The following GXYLT1 variants were observed in gnomAD, a reference collection of about 807,000 sequenced individuals.
GXYLT1 encodes glucoside xylosyltransferase 1.
GXYLT1 carries 29 observed loss-of-function variants against 54.0 expected under a neutral mutation model. The ratio of observed to expected loss-of-function variants is 0.54; its 90% CI spans 0.40 to 0.73. GXYLT1 has a LOEUF of 0.73. Among genes scored for constraint, GXYLT1 ranks in the 30% least tolerant of loss-of-function variants. The pLI, the probability that GXYLT1 is intolerant of heterozygous loss-of-function variation, is 0.00. For synonymous variants in GXYLT1, 176 were observed against 204.1 expected, an observed-to-expected ratio of 0.86 and a Z score of 1.17; for missense variants, 490 against 553.4, an observed-to-expected ratio of 0.89 and a Z score of 1.15.
chr12:42,108,448 G>A (rs2065433355), intron 4 of GXYLT1, among the ~76,000 whole-genome samples: 1 of 152,164 alleles, frequency 6.6e-6, no homozygotes, highest in Non-Finnish European at 1.5e-5. Flanking sequence ...CTTCAGTATA[G>A]ATGACTGACA....
At chr12:42,118,129 C>T (rs1235695970) in intron 3 of GXYLT1, among the ~76,000 whole-genome samples, 6 of 152,184 alleles carry the variant, frequency 3.9e-5, no homozygotes, top group Non-Finnish European at 8.8e-5. Flanking sequence ...AACTTCAATC[C>T]TGTTTAAGCC....
rs1412003295 is a variant in GXYLT1, at chr12:42,137,768, A to AAAAG, written c.221+6657_221+6658insCTTT. On this transcript the variant is annotated intron_variant, in intron 1 of 7. Coordinates refer to ENST00000398675, the MANE Select transcript of GXYLT1 (RefSeq NM_173601.2). ...CGAGACTCCATCTCAAATTGAAAAAAAAAAAAAAAAGTCAGTGATAAATTT... is the reference window on the plus strand; with the variant it reads ...CGAGACTCCATCTCAAATTGAAAAAAAAAGAAAAAAAAAAGTCAGTGATAAATTT... Among the ~76,000 whole-genome samples the AAAAG allele has an allele frequency of 2.6e-3, 399 of 151,256 alleles. 12 individuals are homozygous for AAAAG. Among genetic ancestry groups the AAAAG allele is most frequent in the African/African-American group, 8.6e-3 (355 of 41,254 alleles).
Position 42,144,755 on chromosome 12 carries a change from A to AGCCGCC in GXYLT1, c.-115_-110dup, listed in dbSNP as rs1325667405. ...CGGGCGCAACAAGTTCCTCACCCGC[A>AGCCGCC]GCCGCCGCCGCCGCCTTGCGCCCGC... On this transcript the variant is annotated 5_prime_UTR_variant, in exon 1 of 8. Transcript: ENST00000398675. 28 of 754,160 alleles carry AGCCGCC rather than the reference A, an allele frequency of 3.7e-5. No individual in the cohort carries two copies. The highest frequency in any genetic ancestry group is 7.5e-5 in the African/African-American group (4 of 53,630). 46.7% of individuals were successfully genotyped at this position (754,160 alleles called of 1,614,324 possible). A position where few individuals can be genotyped will look rare whatever the true frequency, so the allele number is the denominator to read the frequency against.
chr12:42,095,803 T>A (rs2065352344), intron 7 of GXYLT1, among the ~76,000 whole-genome samples: 1 of 152,166 alleles, frequency 6.6e-6, no homozygotes, highest in South Asian at 2.1e-4. Flanking sequence ...TCCAATTGTA[T>A]TTCAAATAAA....
chr12:42,089,176 A>G (rs7964383), intron 7 of GXYLT1, among the ~76,000 whole-genome samples: 77,929 of 151,644 alleles, frequency 0.51, 20,469 homozygotes, highest in South Asian at 0.7. Context: ...GCCAGGAACA[A>G]TGTAATAAAA....
rs541525581 is a variant in GXYLT1 at position 42,112,827 on chromosome 12, G to A, written c.487-3136C>T. ...TACTCCTCAAGAAGAGCAACTCCAA[G>A]ACACAGAATTGTCAGATTCACCAAA... On this transcript the variant is annotated intron_variant, in intron 3 of 7. Coordinates refer to ENST00000398675, the MANE Select transcript of GXYLT1 (RefSeq NM_173601.2). 4.1e-4 allele frequency among the ~76,000 whole-genome samples: 62 copies of A among 151,092 alleles called. 6 individuals carry two copies. The highest frequency in any genetic ancestry group is 1.2e-3 in the African/African-American group (50 of 40,454).
intron 2 of GXYLT1, among the ~76,000 whole-genome samples, chr12:42,120,261 A>G (rs890318659): frequency 6.6e-6 from 1 of 152,238 alleles, no homozygotes; most frequent in African/African-American, 2.4e-5. Context: ...TCAGTATTAC[A>G]TTCAATCTTA....
chr12:42,144,136 C>T (rs927850908), intron 1 of GXYLT1, among the ~76,000 whole-genome samples: 4 of 152,342 alleles, frequency 2.6e-5, no homozygotes, highest in African/African-American at 9.6e-5. Flanking sequence ...GTGGACACCT[C>T]TTATTTTCAA....
At chr12:42,125,575 G>A (rs966879451) in intron 2 of GXYLT1, among the ~76,000 whole-genome samples, 9 of 152,168 alleles carry the variant, frequency 5.9e-5, no homozygotes, top group Non-Finnish European at 1.0e-4. Flanking sequence ...GAGGCTAACA[G>A]AGCTGACAGA....
intron 2 of GXYLT1, among the ~76,000 whole-genome samples, chr12:42,126,910 G>A (rs991136243): frequency 4.5e-4 from 68 of 151,024 alleles, no homozygotes; most frequent in African/African-American, 1.6e-3. Flanking sequence ...TTCAAGATTA[G>A]TCTACACCAG....
intron 5 of GXYLT1, among the ~76,000 whole-genome samples, chr12:42,103,938 G>A (rs905365857): frequency 2.6e-5 from 4 of 152,098 alleles, no homozygotes; most frequent in African/African-American, 9.7e-5. Context: ...ATTTAAATAA[G>A]TAATAGGTAA....
At chr12:42,104,805 C>T (rs2065410179) in intron 5 of GXYLT1, among the ~76,000 whole-genome samples, 1 of 152,168 alleles carries the variant, frequency 6.6e-6, no homozygotes, top group Non-Finnish European at 1.5e-5. Context: ...TATAAATGTA[C>T]ACATATATCA....
At chr12:42,124,072 C>T (rs1038129392) in intron 2 of GXYLT1, among the ~76,000 whole-genome samples, 43 of 149,812 alleles carry the variant, frequency 2.9e-4, no homozygotes, top group African/African-American at 9.5e-4. Context: ...TTATATAAAG[C>T]ATTAAAAAAA....
In GXYLT1 at chr12:42,144,735, G is replaced by A. The variant is rs2065672959; in HGVS notation, c.-89C>T. On this transcript the variant is annotated 5_prime_UTR_variant, in exon 1 of 8. Transcript: ENST00000398675. Reference sequence around the variant, plus strand: ...GGAGGGGCACCGCGCAGCCGCGGGCGCAACAAGTTCCTCACCCGCAGCCGC... The same window carrying A: ...GGAGGGGCACCGCGCAGCCGCGGGCACAACAAGTTCCTCACCCGCAGCCGC... 2.9e-6 allele frequency: 3 copies of A among 1,047,020 alleles called. No homozygotes were observed. The highest frequency in any genetic ancestry group is 3.7e-6 in the Non-Finnish European group (3 of 802,310). 64.9% of individuals were successfully genotyped at this position (1,047,020 alleles called of 1,614,324 possible).
chr12:42,098,163 C>G, intron 5 of GXYLT1, 130 bp from the exon 6 acceptor site: 1 of 787,482 alleles, frequency 1.3e-6, no homozygotes, highest in Non-Finnish European at 2.1e-6. Flanking sequence ...CTCACAATAT[C>G]AAGTGACATT....
chr12:42,105,799 A>G lies in GXYLT1; in HGVS notation c.864+19T>C, dbSNP rs769188670. ...GGTTTTTAGAGAAATGTTAACAACT[A>G]CCTGTATTAGTGACTTACCTTGAAA... On this transcript the variant is annotated intron_variant, in intron 5 of 7. Transcript: ENST00000398675. The G allele has an allele frequency of 1.3e-6, 2 of 1,585,858 alleles. No individual in the cohort carries two copies. Among genetic ancestry groups the G allele is most frequent in the Non-Finnish European group, 1.7e-6 (2 of 1,168,768 alleles).
intron 5 of GXYLT1, among the ~76,000 whole-genome samples, chr12:42,100,010 TAA>T (rs1433096678): frequency 6.6e-6 from 1 of 152,158 alleles, no homozygotes; most frequent in Admixed American, 6.5e-5. Context: ...TTTTTTAAAA[TAA>T]AAAAGATACT....
At chr12:42,108,307 T>A (rs535592694) in intron 4 of GXYLT1, among the ~76,000 whole-genome samples, 2 of 152,272 alleles carry the variant, frequency 1.3e-5, no homozygotes, top group South Asian at 4.1e-4. Context: ...AAACCTCACA[T>A]CTTTCTTTCA....
At position 42,132,197 on chromosome 12, in the gene GXYLT1, T is replaced by C. The variant is rs137888729; in HGVS notation, c.222-2346A>G. Among the ~76,000 whole-genome samples the C allele has an allele frequency of 6.5e-3, 996 of 152,282 alleles. 42 individuals carry two copies. In the East Asian group the frequency reaches 0.089, roughly 14 times the overall value. ...AGGTCACTTGTTAAAAATACAGATA[T>C]AGGATCCTATCCCATACCCAGTTAA... On this transcript the variant is annotated intron_variant, in intron 1 of 7. Transcript: ENST00000398675.
Sources: gnomAD v4.1 joint callset for allele counts (sites outside exome capture counted in the v4.1 genomes callset) on GRCh38, gnomAD v4.1.1 for gene constraint, MANE v1.5 for transcripts, NCBI Gene and HGNC (gene_info 2026-07-23, HGNC 2026-07-21) for gene names.